The following CNTNAP2 variants were observed in gnomAD, a reference collection of about 807,000 sequenced individuals.
CNTNAP2 encodes contactin associated protein 2.
In CNTNAP2, 98 loss-of-function variants were observed where a neutral mutation model predicts 155.2. The observed-to-expected ratio is 0.63, with a 90% confidence interval of 0.54 to 0.75. CNTNAP2 has a LOEUF of 0.75. Ranked by LOEUF, CNTNAP2 falls within the 30% of genes least tolerant of loss-of-function variation. The pLI, the probability that CNTNAP2 is intolerant of heterozygous loss-of-function variation, is 0.00. For synonymous variants in CNTNAP2, 651 were observed against 631.2 expected (o/e 1.03, Z -0.47); for missense variants, 1,727 against 1,688.1 (o/e 1.02, Z -0.40).
chr7:146,286,886 A>G (rs802527), intron 1 of CNTNAP2, among the ~76,000 whole-genome samples: 22,624 of 152,096 alleles, frequency 0.15, 5,179 homozygotes, highest in African/African-American at 0.49. Context: ...TGGAAGGATC[A>G]CCTGAGGCCA....
chr7:146,172,216 A>G (rs1383410928), intron 1 of CNTNAP2, among the ~76,000 whole-genome samples: 1 of 152,032 alleles, frequency 6.6e-6, no homozygotes, highest in African/African-American at 2.4e-5. Context: ...AAATAGCTCA[A>G]GGCTGGGATA....
At chr7:147,087,910 G>C (rs1046465699) in intron 4 of CNTNAP2, among the ~76,000 whole-genome samples, 2 of 152,248 alleles carry the variant, frequency 1.3e-5, no homozygotes, top group Admixed American at 1.3e-4. Flanking sequence ...CCGGGAGGTA[G>C]AGGTTGCAGT....
At chr7:146,165,543 A>C (rs2116808968) in intron 1 of CNTNAP2, among the ~76,000 whole-genome samples, 1 of 152,318 alleles carries the variant, frequency 6.6e-6, no homozygotes, top group Non-Finnish European at 1.5e-5. Context: ...ATTTCAAGTC[A>C]GTCTGTCAAT....
intron 1 of CNTNAP2, among the ~76,000 whole-genome samples, chr7:146,727,292 A>G (rs528088395): frequency 1.3e-5 from 2 of 152,200 alleles, no homozygotes; most frequent in Non-Finnish European, 2.9e-5. Flanking sequence ...CCAGGAAACA[A>G]CTGACTCACA....
At chr7:147,732,018 A>T (rs1796748812) in intron 13 of CNTNAP2, among the ~76,000 whole-genome samples, 1 of 151,906 alleles carries the variant, frequency 6.6e-6, no homozygotes, top group Non-Finnish European at 1.5e-5. Flanking sequence ...CTTCTTCCAG[A>T]TGAGCAAAGA....
At chr7:146,214,259 CT>C (rs201882499) in intron 1 of CNTNAP2, among the ~76,000 whole-genome samples, 1 of 152,090 alleles carries the variant, frequency 6.6e-6, no homozygotes, top group Non-Finnish European at 1.5e-5. Flanking sequence ...TGTAAATGCT[CT>C]TTTTTTGCAA....
At chr7:147,359,421 C>A (rs182215871) in intron 9 of CNTNAP2, among the ~76,000 whole-genome samples, 135 of 152,258 alleles carry the variant, frequency 8.9e-4, no homozygotes, top group Non-Finnish European at 8.2e-4. Context: ...CTATAGCCTG[C>A]TCTCAGCACA....
intron 23 of CNTNAP2, among the ~76,000 whole-genome samples, chr7:148,413,130 G>A (rs866197413): frequency 5.3e-5 from 8 of 151,670 alleles, no homozygotes; most frequent in African/African-American, 1.5e-4. Context: ...AGCAGCTCAC[G>A]CCTATAATCC....
chr7:146,684,574 T>C (rs1433706881), intron 1 of CNTNAP2, among the ~76,000 whole-genome samples: 1 of 125,122 alleles, frequency 8.0e-6, no homozygotes, highest in Non-Finnish European at 1.6e-5. Context: ...ATTTATATGA[T>C]GACAAGATCA....
intron 1 of CNTNAP2, among the ~76,000 whole-genome samples, chr7:146,568,952 C>T (rs1584985539): frequency 3.3e-5 from 5 of 151,860 alleles, no homozygotes; most frequent in African/African-American, 1.2e-4. Flanking sequence ...ACGCAAATCA[C>T]AAGTTCCCAT....
intron 3 of CNTNAP2, among the ~76,000 whole-genome samples, chr7:146,841,658 G>C (rs1309685140): frequency 2.0e-5 from 3 of 152,056 alleles, no homozygotes; most frequent in Non-Finnish European, 4.4e-5. Flanking sequence ...CTCTATATCA[G>C]AACAGAAATA....
chr7:148,172,575 T>C, intron 18 of CNTNAP2, 97 bp downstream of exon 18: 3 of 1,121,976 alleles, frequency 2.7e-6, no homozygotes, highest in Non-Finnish European at 4.1e-6. Context: ...GTGTACCTTA[T>C]TCTGAGGTTA....
rs146996470 is a variant in CNTNAP2 at position 148,035,726 on chromosome 7, C to G, written c.2383+57737C>G. ...GTGGAGCCGTGGGGGTAGGGCAAAC[C>G]CCACAACCCTGACCCCAGACCTATA... On this transcript the variant is annotated intron_variant, in intron 15 of 23. Coordinates refer to ENST00000361727, the MANE Select transcript of CNTNAP2 (RefSeq NM_014141.6). Among the ~76,000 whole-genome samples the G allele has an allele frequency of 5.4e-3, 818 of 152,198 alleles. 24 individuals carry two copies. The highest frequency in any genetic ancestry group is 0.039 in the Admixed American group (598 of 15,286).
intron 16 of CNTNAP2, among the ~76,000 whole-genome samples, chr7:148,126,454 G>C (rs1197085047): frequency 2.0e-5 from 3 of 152,202 alleles, no homozygotes; most frequent in African/African-American, 7.2e-5. Context: ...TATAGACAAG[G>C]AATAATATGT....
chr7:146,578,973 A>G (rs1015105470), intron 1 of CNTNAP2, among the ~76,000 whole-genome samples: 7 of 152,260 alleles, frequency 4.6e-5, no homozygotes, highest in Admixed American at 4.6e-4. Flanking sequence ...TGTAAAACAG[A>G]TGGGCAATTC....
In CNTNAP2 at chr7:147,270,331, T is replaced by C. The variant is rs1359445012; in HGVS notation, c.1349-29810T>C. 2.0e-5 allele frequency among the ~76,000 whole-genome samples: 3 copies of C among 152,200 alleles called. No individual in the cohort carries two copies. In the East Asian group the frequency reaches 5.8e-4, roughly 29 times the overall value. ...TATGTACATAGTTTGTAAAAGGCTT[T>C]GTATGACAAAAAAGGATGCAGGATA... On this transcript the variant is annotated intron_variant, in intron 8 of 23. Transcript: ENST00000361727.
intron 15 of CNTNAP2, among the ~76,000 whole-genome samples, chr7:148,084,684 T>G (rs1803684439): frequency 6.6e-6 from 1 of 152,218 alleles, no homozygotes; most frequent in Non-Finnish European, 1.5e-5. Context: ...AACAATTTAA[T>G]AATATGACAG....
At chr7:146,330,961 A>G (rs931892971) in intron 1 of CNTNAP2, among the ~76,000 whole-genome samples, 5 of 152,168 alleles carry the variant, frequency 3.3e-5, no homozygotes, top group Non-Finnish European at 7.3e-5. Flanking sequence ...CTAAAATATA[A>G]CCAAATTGCC....
chr7:146,236,752 T>A (rs1414902199), intron 1 of CNTNAP2, among the ~76,000 whole-genome samples: 1 of 152,266 alleles, frequency 6.6e-6, no homozygotes, highest in African/African-American at 2.4e-5. Context: ...TATCTATATA[T>A]CAAATTCCAT....
Sources: allele counts gnomAD v4.1 joint callset (sites outside exome capture counted in the v4.1 genomes callset), GRCh38; gene constraint gnomAD v4.1.1; transcripts MANE v1.5; gene names NCBI Gene and HGNC (gene_info 2026-07-23, HGNC 2026-07-21).